The following ST3GAL5 variants were observed in gnomAD, a reference collection of about 807,000 sequenced individuals.
The protein encoded by ST3GAL5 is ST3 beta-galactoside alpha-2,3-sialyltransferase 5.
In ST3GAL5, 25 loss-of-function variants were observed where a neutral mutation model predicts 46.1. The ratio of observed to expected loss-of-function variants is 0.54; its 90% CI spans 0.40 to 0.76. The LOEUF is 0.76. Ranked by LOEUF, ST3GAL5 falls within the 30% of genes least tolerant of loss-of-function variation. The pLI is 0.00. For missense variants in ST3GAL5, 431 were observed against 521.2 expected (o/e 0.83, Z 1.69); for synonymous variants, 182 against 192.7 (o/e 0.94, Z 0.46).
chr2:85,872,358 G>A (rs1254084535), intron 1 of ST3GAL5, among the ~76,000 whole-genome samples: 3 of 152,022 alleles, frequency 2.0e-5, no homozygotes, highest in East Asian at 1.9e-4. Flanking sequence ...CGAGGCAGGC[G>A]GATCACCTGA....
At chr2:85,888,600 G>C (rs1688038893) in intron 1 of ST3GAL5, 1 of 282,212 alleles carries the variant, frequency 3.5e-6, no homozygotes. Context: ...CCTCTACCGC[G>C]TACACACCTG....
Position 85,837,936 on chromosome 2 carries a change from C to T in ST3GAL5, c.*2208G>A, listed in dbSNP as rs1573559357. The T allele has an allele frequency of 6.6e-6, 1 of 152,100 alleles. No individual in the cohort carries two copies. Among genetic ancestry groups the T allele is most frequent in the East Asian group, 1.9e-4 (1 of 5,176 alleles). 9.4% of individuals were successfully genotyped at this position (152,100 alleles called of 1,614,324 possible). On this transcript the variant is annotated 3_prime_UTR_variant, in exon 7 of 7. Coordinates refer to ENST00000638572, the MANE Select transcript of ST3GAL5 (RefSeq NM_003896.4). ...AGATCAACTTTAGAACACCCAGAGG[C>T]ACCTAGCAAAGGTCTGTTTTCAGAA...
At chr2:85,867,877 G>T in intron 1 of ST3GAL5, 2 of 586,560 alleles carry the variant, frequency 3.4e-6, no homozygotes, top group Non-Finnish European at 6.2e-6. Context: ...GGGTTAGTCA[G>T]AAGTCAACAT....
At chr2:85,848,601 C>T in intron 3 of ST3GAL5, 1 of 374,778 alleles carries the variant, frequency 2.7e-6, no homozygotes, top group South Asian at 2.1e-5. Context: ...TAAGTGAAGC[C>T]AGTCACAAAG....
intron 3 of ST3GAL5, chr2:85,850,159 C>T (rs1446966692): frequency 2.0e-5 from 3 of 151,272 alleles, no homozygotes; most frequent in Non-Finnish European, 4.4e-5. Context: ...TGTCTACATC[C>T]GAAGAATCTG....
At chr2:85,850,857 T>G (rs936876061) in intron 3 of ST3GAL5, 6 of 152,114 alleles carry the variant, frequency 3.9e-5, no homozygotes, top group African/African-American at 1.2e-4. Context: ...GAAATTTCAT[T>G]CCATTTCCAT....
chr2:85,879,562 C>T (rs1250566506), intron 1 of ST3GAL5, among the ~76,000 whole-genome samples: 1 of 152,126 alleles, frequency 6.6e-6, no homozygotes, highest in Non-Finnish European at 1.5e-5. Context: ...CTGTGGTGGG[C>T]CTGTGTGACA....
At chr2:85,863,589 G>T in intron 1 of ST3GAL5, 104 bp from the exon 2 acceptor site, 1 of 1,260,418 alleles carries the variant, frequency 7.9e-7, no homozygotes, top group Non-Finnish European at 1.2e-6. Flanking sequence ...CCATACCATG[G>T]AATAGTAACT....
At chr2:85,870,394 C>T (rs2104142309) in intron 1 of ST3GAL5, 1 of 385,186 alleles carries the variant, frequency 2.6e-6, no homozygotes, top group Middle Eastern at 4.8e-4. Flanking sequence ...CATCACAAGG[C>T]TGGCCTGTCT....
rs750405019 is a variant in ST3GAL5 at position 85,844,545 on chromosome 2, C to T, written c.859G>A (p.Val287Ile). ...ACCTGCTTCCAAAAGAAGAGTCGTA[C>T]CCAGAATGGCTAAGGAAAGCAAGCA... ...MVKKETLPFW[V>I]RLFFWKQVAE... The change falls in exon 6 of 7, where the codon GTA becomes ATA. Residue 287 changes from valine to isoleucine, a missense_variant. Coordinates refer to ENST00000638572, the MANE Select transcript of ST3GAL5 (RefSeq NM_003896.4). 2 of 1,614,054 alleles carry T rather than the reference C, an allele frequency of 1.2e-6. No individual in the cohort carries two copies. Among genetic ancestry groups the T allele is most frequent in the Non-Finnish European group, 1.7e-6 (2 of 1,180,006 alleles).
chr2:85,844,248 C>A, intron 6 of ST3GAL5, 148 bp downstream of exon 6: 3 of 978,542 alleles, frequency 3.1e-6, no homozygotes, highest in South Asian at 2.9e-5. Flanking sequence ...CAGCCAAGTG[C>A]AGAGTGGTAA....
At chr2:85,865,981 T>C (rs1475391153) in intron 1 of ST3GAL5, 2 of 152,252 alleles carry the variant, frequency 1.3e-5, no homozygotes, top group Non-Finnish European at 2.9e-5. Flanking sequence ...GGAAGGTGTC[T>C]ACATGTGACT....
chr2:85,877,573 G>C (rs1573708382), intron 1 of ST3GAL5, among the ~76,000 whole-genome samples: 1 of 152,238 alleles, frequency 6.6e-6, no homozygotes, highest in African/African-American at 2.4e-5. Flanking sequence ...TTGATTAAGG[G>C]TTAAGGTGGT....
chr2:85,857,097 A>AAAAAAAAAAT (rs1558669884), intron 3 of ST3GAL5, among the ~76,000 whole-genome samples: 8 of 132,394 alleles, frequency 6.0e-5, no homozygotes, highest in African/African-American at 2.2e-4. Context: ...AAAAAAAAAA[A>AAAAAAAAAAT]TAGGCACGTA....
chr2:85,852,390 A>T (rs1465381054), intron 3 of ST3GAL5, among the ~76,000 whole-genome samples: 1 of 152,204 alleles, frequency 6.6e-6, no homozygotes, highest in East Asian at 1.9e-4. Flanking sequence ...AGTACCTGGC[A>T]TGTGTGGAGA....
intron 1 of ST3GAL5, among the ~76,000 whole-genome samples, chr2:85,884,722 G>A (rs1687559278): frequency 6.6e-6 from 1 of 152,212 alleles, no homozygotes; most frequent in African/African-American, 2.4e-5. Context: ...GAACAGGGCA[G>A]AAGAGGATAA....
intron 1 of ST3GAL5, chr2:85,888,447 C>G (rs993099481): frequency 2.5e-5 from 4 of 160,632 alleles, no homozygotes; most frequent in Admixed American, 1.9e-4. Context: ...CAGGGGGTTC[C>G]CTAAGCCCAT....
intron 1 of ST3GAL5, among the ~76,000 whole-genome samples, chr2:85,884,159 G>T (rs1687501256): frequency 6.6e-6 from 1 of 152,150 alleles, no homozygotes; most frequent in Admixed American, 6.5e-5. Flanking sequence ...GATGACAATG[G>T]TACCAAACAC....
chr2:85,861,991 C>A (rs931352435), intron 2 of ST3GAL5, among the ~76,000 whole-genome samples: 13 of 151,444 alleles, frequency 8.6e-5, no homozygotes, highest in Non-Finnish European at 1.6e-4. Flanking sequence ...AAAACAAATG[C>A]AAGAAATAAA....
Sources: gnomAD v4.1 joint callset for allele counts (sites outside exome capture counted in the v4.1 genomes callset) on GRCh38, gnomAD v4.1.1 for gene constraint, MANE v1.5 for transcripts, NCBI Gene and HGNC (gene_info 2026-07-23, HGNC 2026-07-21) for gene names.